The following GRK5 variants were observed in gnomAD, a reference collection of about 807,000 sequenced individuals.
The protein encoded by GRK5 is G protein-coupled receptor kinase 5.
Under a neutral mutation model 78.4 loss-of-function variants are expected in GRK5, and 40 were observed. That is an observed-to-expected ratio of 0.51 (90% CI 0.40 to 0.66). The LOEUF (loss-of-function observed/expected upper bound fraction) is 0.66, where lower values mean the gene tolerates loss of function less well. Among genes scored for constraint, GRK5 ranks in the 30% least tolerant of loss-of-function variants. The pLI, the probability that GRK5 is intolerant of heterozygous loss-of-function variation, is 0.00. For missense variants in GRK5, 598 were observed against 759.9 expected (o/e 0.79, Z 2.50); for synonymous variants, 289 against 296.8 (o/e 0.97, Z 0.27).
Position 119,326,623 on chromosome 10 carries a change from T to C in GRK5, c.148+12T>C. 1 of 1,599,186 alleles carries C rather than the reference T, an allele frequency of 6.3e-7. No homozygotes were observed. Among genetic ancestry groups the C allele is most frequent in the Non-Finnish European group, 8.6e-7 (1 of 1,166,492 alleles). On this transcript the variant is annotated intron_variant, in intron 2 of 15. Transcript: ENST00000392870. Reference sequence around the variant, plus strand: ...CCGAAGGACCATAGGTAAGCTGTCCTGCCTGGGGGCTGTGCGGGGAGTGAG... The same window carrying C: ...CCGAAGGACCATAGGTAAGCTGTCCCGCCTGGGGGCTGTGCGGGGAGTGAG...
chr10:119,337,581 T>C (rs562508156), intron 2 of GRK5, among the ~76,000 whole-genome samples: 1 of 152,308 alleles, frequency 6.6e-6, no homozygotes, highest in South Asian at 2.1e-4. Flanking sequence ...CTCGGTCTTC[T>C]ACCTGTGTGA....
At chr10:119,346,762 C>CA (rs1197411259) in intron 2 of GRK5, among the ~76,000 whole-genome samples, 1 of 152,142 alleles carries the variant, frequency 6.6e-6, no homozygotes, top group African/African-American at 2.4e-5. Context: ...CCGGGTCCCC[C>CA]AGGCTCCGGC....
intron 4 of GRK5, among the ~76,000 whole-genome samples, chr10:119,421,615 T>C (rs1276646206): frequency 6.6e-6 from 1 of 152,194 alleles, no homozygotes; most frequent in Non-Finnish European, 1.5e-5. Flanking sequence ...CAGCAGCCAC[T>C]ACCCAGGCTG....
chr10:119,234,204 T>C (rs1380359391), intron 1 of GRK5, among the ~76,000 whole-genome samples: 2 of 152,200 alleles, frequency 1.3e-5, no homozygotes, highest in Non-Finnish European at 2.9e-5. Flanking sequence ...ATTCCACAGA[T>C]GAGAAAACAG....
chr10:119,417,958 A>G (rs940442466), intron 4 of GRK5, among the ~76,000 whole-genome samples: 1 of 152,204 alleles, frequency 6.6e-6, no homozygotes, highest in African/African-American at 2.4e-5. Context: ...GATATCAGGA[A>G]CTGCCCGGAT....
chr10:119,260,563 C>T (rs200615715), intron 1 of GRK5, among the ~76,000 whole-genome samples: 39 of 151,820 alleles, frequency 2.6e-4, no homozygotes, highest in East Asian at 1.6e-3. Context: ...CCTTCCGCAG[C>T]GTTTGTGTCC....
chr10:119,411,656 A>G (rs1488832561), intron 4 of GRK5, among the ~76,000 whole-genome samples: 1 of 152,006 alleles, frequency 6.6e-6, no homozygotes, highest in Non-Finnish European at 1.5e-5. Flanking sequence ...GGGCTTGGAG[A>G]TTCATATCCT....
intron 1 of GRK5, among the ~76,000 whole-genome samples, chr10:119,314,922 C>T (rs1442885592): frequency 6.6e-6 from 1 of 152,220 alleles, no homozygotes; most frequent in African/African-American, 2.4e-5. Context: ...CAGGCAGGGG[C>T]TGGCTGTTCT....
At position 119,267,165 on chromosome 10, in the gene GRK5, C is replaced by T. The variant is rs1289675773; in HGVS notation, c.52+59196C>T. On this transcript the variant is annotated intron_variant, in intron 1 of 15. Coordinates refer to ENST00000392870, the MANE Select transcript of GRK5 (RefSeq NM_005308.3). This position sits in a 1 kb window ranked among gnomAD's most constrained non-coding sequence, Gnocchi z 4.1. ...TGCTGAGGAAGGAGAATTGCTTGAA[C>T]CTGCGAGGCGGAGGTTGCAGCGAGC... Among the ~76,000 whole-genome samples, 2 of 152,026 alleles carry T rather than the reference C, an allele frequency of 1.3e-5. No homozygotes were observed. The highest frequency in any genetic ancestry group is 2.9e-5 in the Non-Finnish European group (2 of 68,000).
chr10:119,354,107 GTTTC>G (rs1851226322), intron 2 of GRK5, among the ~76,000 whole-genome samples: 2 of 151,256 alleles, frequency 1.3e-5, no homozygotes, highest in Admixed American at 1.3e-4. Context: ...GATCTCAAGG[GTTTC>G]TTTATTTAAA....
At chr10:119,417,077 C>T (rs775947253) in intron 4 of GRK5, among the ~76,000 whole-genome samples, 5 of 152,196 alleles carry the variant, frequency 3.3e-5, no homozygotes, top group African/African-American at 9.6e-5. Flanking sequence ...ACCTTGTGGA[C>T]GGCCTGCTTC....
intron 1 of GRK5, among the ~76,000 whole-genome samples, chr10:119,246,019 CAAAAAA>C (rs941734040): frequency 6.4e-4 from 9 of 14,034 alleles, no homozygotes; most frequent in Non-Finnish European, 1.2e-3. Flanking sequence ...GACTCCATCT[CAAAAAA>C]AAAAAAAAAA....
chr10:119,269,758 A>C (rs1849556103), intron 1 of GRK5, among the ~76,000 whole-genome samples: 2 of 150,456 alleles, frequency 1.3e-5, no homozygotes, highest in African/African-American at 4.9e-5. Context: ...GCTTGAACCC[A>C]GAAGGCGGAG....
At chr10:119,394,350 G>GTC (rs1851974292) in intron 3 of GRK5, among the ~76,000 whole-genome samples, 24 of 110,332 alleles carry the variant, frequency 2.2e-4, no homozygotes, top group Admixed American at 3.2e-4. Flanking sequence ...GTGTGGGCAT[G>GTC]TGGGTGTGTG....
At chr10:119,419,361 C>T (rs1160926950) in intron 4 of GRK5, among the ~76,000 whole-genome samples, 1 of 152,266 alleles carries the variant, frequency 6.6e-6, no homozygotes, top group Non-Finnish European at 1.5e-5. Flanking sequence ...CAGACATCCT[C>T]TGGTTCCATT....
chr10:119,297,110 C>G (rs1850094956), intron 1 of GRK5, among the ~76,000 whole-genome samples: 1 of 152,242 alleles, frequency 6.6e-6, no homozygotes, highest in African/African-American at 2.4e-5. Flanking sequence ...CTTCGGGACA[C>G]TGCATGGAGA....
At chr10:119,441,801 G>A (rs1315667295) in intron 10 of GRK5, among the ~76,000 whole-genome samples, 198 bp from the exon 11 acceptor site, 1 of 152,152 alleles carries the variant, frequency 6.6e-6, no homozygotes, top group Non-Finnish European at 1.5e-5. Context: ...CCTGAAGAGT[G>A]GGCATTTTCC....
Position 119,239,029 on chromosome 10 carries a change from C to A in GRK5, c.52+31060C>A, listed in dbSNP as rs924585184. 2.0e-5 allele frequency among the ~76,000 whole-genome samples: 3 copies of A among 152,116 alleles called. No individual in the cohort carries two copies. The East Asian group carries it at 5.8e-4, about 29-fold the overall frequency. ...TTTGTAATCTAAATGACATGTGCAA[C>A]CTTCAGAGCCTGACTCCTTGCTGGA... On this transcript the variant is annotated intron_variant, in intron 1 of 15. Transcript: ENST00000392870.
chr10:119,236,666 G>C (rs1033054237), intron 1 of GRK5, among the ~76,000 whole-genome samples: 1 of 152,016 alleles, frequency 6.6e-6, no homozygotes, highest in African/African-American at 2.4e-5. Context: ...TTGAGACGGA[G>C]TCTTGCTCTG....
Sources: gnomAD v4.1 joint callset for allele counts (sites outside exome capture counted in the v4.1 genomes callset) on GRCh38, gnomAD v4.1.1 for gene constraint, Gnocchi (gnomAD v3.1) non-coding constraint, MANE v1.5 for transcripts, NCBI Gene and HGNC (gene_info 2026-07-23, HGNC 2026-07-21) for gene names.